The following HTR1A variants were observed in gnomAD, a reference collection of about 807,000 sequenced individuals.
The protein encoded by HTR1A is 5-hydroxytryptamine receptor 1A, also known as 5-HT1a receptor.
In HTR1A, 17 loss-of-function variants were observed where a neutral mutation model predicts 24.6. That is an observed-to-expected ratio of 0.69 (90% CI 0.47 to 1.04). HTR1A has a LOEUF of 1.04. Ranked by LOEUF, HTR1A falls within the 50% of genes least tolerant of loss-of-function variation. HTR1A has a pLI of 0.00. For missense variants in HTR1A, 515 were observed against 565.1 expected (o/e 0.91, Z 0.90); for synonymous variants, 262 against 244.6 (o/e 1.07, Z -0.67).
chr5:63,959,968 G>T lies in HTR1A; in HGVS notation c.*483C>A, dbSNP rs1746389484. Among the ~76,000 whole-genome samples the T allele has an allele frequency of 1.3e-5, 2 of 152,292 alleles. No homozygotes were observed. The highest frequency in any genetic ancestry group is 4.1e-4 in the South Asian group (2 of 4,824). On this transcript the variant is annotated 3_prime_UTR_variant, in exon 1 of 1. Coordinates refer to ENST00000323865, the MANE Select transcript of HTR1A (RefSeq NM_000524.4). ...GGGAGAAAAAGGTGAATATTTCAAG[G>T]GCCACAGGGCGGGAGAGATGGAGCA... is the stretch of plus-strand genomic sequence containing the variant.
rs1746354295 is a variant in HTR1A at position 63,958,304 on chromosome 5, T to C, written c.*2147A>G. On this transcript the variant is annotated 3_prime_UTR_variant, in exon 1 of 1. Coordinates refer to ENST00000323865, the MANE Select transcript of HTR1A (RefSeq NM_000524.4). ...CAGCATTATACATGCATAGACAAACTATTCCCAAAGTTCTAAAACTTTCCC... is the reference window on the plus strand; with the variant it reads ...CAGCATTATACATGCATAGACAAACCATTCCCAAAGTTCTAAAACTTTCCC... 6.6e-6 allele frequency among the ~76,000 whole-genome samples: 1 copy of C among 152,206 alleles called. No homozygotes were observed. Among genetic ancestry groups the C allele is most frequent in the Non-Finnish European group, 1.5e-5 (1 of 68,036 alleles).
rs1221807137 is a variant in HTR1A, at chr5:63,960,062, G to A, written c.*389C>T. On this transcript the variant is annotated 3_prime_UTR_variant, in exon 1 of 1. Transcript: ENST00000323865. ...GGTGGAGCCCCTTAGTGGGCGCGGCGGCTGTGTGTACAGTTTATTTATTTT... is the reference window on the plus strand; with the variant it reads ...GGTGGAGCCCCTTAGTGGGCGCGGCAGCTGTGTGTACAGTTTATTTATTTT... 1.3e-5 allele frequency among the ~76,000 whole-genome samples: 2 copies of A among 152,234 alleles called. No homozygotes were observed. The highest frequency in any genetic ancestry group is 1.9e-4 in the East Asian group (1 of 5,192).
At position 63,961,222 on chromosome 5, in the gene HTR1A, G is replaced by C; in HGVS notation, c.498C>G (p.Leu166=). 1.2e-6 allele frequency: 2 copies of C among 1,614,146 alleles called. No individual in the cohort carries two copies. Among genetic ancestry groups the C allele is most frequent in the Non-Finnish European group, 1.7e-6 (2 of 1,180,030 alleles). ...AGCCCAGCATGGGCGGGATAGAGAT[G>C]AGGAAGCCAATAAGCCAAGTGAGCG... The part of the protein sequence containing the change: ...LISLTWLIGF[L]ISIPPMLGWR... Residue 166 remains leucine (L), a synonymous_variant, in exon 1 of 1, where the codon CTC becomes CTG. Coordinates refer to ENST00000323865, the MANE Select transcript of HTR1A (RefSeq NM_000524.4).
At position 63,961,459 on chromosome 5, in the gene HTR1A, C is replaced by T. The variant is rs201217490; in HGVS notation, c.261G>A (p.Val87=). The change falls in exon 1 of 1, where the codon GTG becomes GTA. Residue 87 remains valine, a synonymous_variant. Transcript: ENST00000323865. ...SLAVTDLMVS[V]LVLPMAALYQ... is the part of the protein sequence containing the mutation. ...ACAGCGCGGCCATGGGCAGCACCAA[C>T]ACCGACACCATGAGGTCGGTGACCG... 1.2e-6 allele frequency: 2 copies of T among 1,614,016 alleles called. No homozygotes were observed. Among genetic ancestry groups the T allele is most frequent in the Non-Finnish European group, 1.7e-6 (2 of 1,179,928 alleles).
chr5:63,961,732 G>T lies in HTR1A; in HGVS notation c.-13C>A. The T allele has an allele frequency of 7.4e-6, 12 of 1,613,692 alleles. No individual in the cohort carries two copies. Among genetic ancestry groups the T allele is most frequent in the Non-Finnish European group, 1.0e-5 (12 of 1,179,982 alleles). ...TGAGCACATCCATGCCTGCGCGCCC[G>T]GCGCGGGAAGGGGGAGGGAAGAAAA... On this transcript the variant is annotated 5_prime_UTR_variant, in exon 1 of 1. Transcript: ENST00000323865.
Position 63,961,455 on chromosome 5 carries a change from C to G in HTR1A, c.265G>C (p.Val89Leu). The change falls in exon 1 of 1, where the codon GTG (valine) becomes CTG (leucine). Residue 89 changes from valine to leucine, a missense_variant. This residue lies in a region of HTR1A where 80 missense variants were observed against 130.8 expected (regional missense o/e 0.61). Transcript: ENST00000323865. ...TGATACAGCGCGGCCATGGGCAGCACCAACACCGACACCATGAGGTCGGTG... is the reference window on the plus strand; with the variant it reads ...TGATACAGCGCGGCCATGGGCAGCAGCAACACCGACACCATGAGGTCGGTG... ...AVTDLMVSVL[V>L]LPMAALYQVL... is the part of the protein sequence containing the mutation. The G allele has an allele frequency of 6.2e-7, 1 of 1,613,984 alleles. No individual in the cohort carries two copies. The highest frequency in any genetic ancestry group is 8.5e-7 in the Non-Finnish European group (1 of 1,179,910).
rs1746414429 is a variant in HTR1A, at chr5:63,960,794, C to T, written c.926G>A (p.Ser309Asn). ...GGCACAAGGGGTAGGACCAGCCTCG[C>T]TGGGCAGAGGCAAGTGCTCTTTGGA... ...GNSKEHLPLP[S>N]EAGPTPCAPA... The change falls in exon 1 of 1, where the codon AGC (serine) becomes AAC (asparagine). Residue 309 changes from serine to asparagine, a missense_variant. Transcript: ENST00000323865. The T allele has an allele frequency of 6.2e-7, 1 of 1,614,018 alleles. No homozygotes were observed. The highest frequency in any genetic ancestry group is 2.2e-5 in the East Asian group (1 of 44,882).
In HTR1A at chr5:63,960,179, G is replaced by T. The variant is rs188019379; in HGVS notation, c.*272C>A. The stretch of plus-strand genomic sequence containing the variant: ...AGAGGCAATTACTGGGATCAAAACT[G>T]ATGATACAGGCGAAGTCTGAGCCAA... On this transcript the variant is annotated 3_prime_UTR_variant, in exon 1 of 1. Transcript: ENST00000323865. 1.3e-5 allele frequency among the ~76,000 whole-genome samples: 2 copies of T among 152,298 alleles called. No homozygotes were observed. Among genetic ancestry groups the T allele is most frequent in the Admixed American group, 6.5e-5 (1 of 15,300 alleles).
chr5:63,960,654 G>T lies in HTR1A; in HGVS notation c.1066C>A (p.Leu356Ile), dbSNP rs750784546. The stretch of plus-strand genomic sequence containing the variant: ...ACGATGAAGAAGGGCAGCCAGCAGA[G>T]GATGAAGGTGCCCATGATGATGCCC... Reference protein sequence around the residue: ...TLGIIMGTFILCWLPFFIVAL... With the variant: ...TLGIIMGTFIICWLPFFIVAL... Residue 356 changes from leucine (L) to isoleucine (I), a missense_variant, in exon 1 of 1, where the codon CTC (leucine) becomes ATC (isoleucine). Coordinates refer to ENST00000323865, the MANE Select transcript of HTR1A (RefSeq NM_000524.4). 6.2e-7 allele frequency: 1 copy of T among 1,614,262 alleles called. No homozygotes were observed.
chr5:63,961,093 C>T lies in HTR1A; in HGVS notation c.627G>A (p.Leu209=), dbSNP rs917028491. The T allele has an allele frequency of 1.2e-6, 2 of 1,614,148 alleles. No individual in the cohort carries two copies. The highest frequency in any genetic ancestry group is 1.3e-5 in the African/African-American group (1 of 74,950). ...STFGAFYIPL[L]LMLVLYGRIF... is the part of the protein sequence containing the mutation. The stretch of plus-strand genomic sequence containing the variant: ...TGCGCCCATAGAGAACCAGCATGAG[C>T]AGCAGCGGGATGTAGAAAGCTCCAA... Residue 209 remains leucine (L), a synonymous_variant, in exon 1 of 1, where the codon CTG becomes CTA. Coordinates refer to ENST00000323865, the MANE Select transcript of HTR1A (RefSeq NM_000524.4).
In HTR1A at chr5:63,960,793, G is replaced by C. The variant is rs140681943; in HGVS notation, c.927C>G (p.Ser309Arg). The part of the protein sequence containing the change: ...GNSKEHLPLP[S>R]EAGPTPCAPA... Reference sequence around the variant, plus strand: ...GGGCACAAGGGGTAGGACCAGCCTCGCTGGGCAGAGGCAAGTGCTCTTTGG... The same window carrying C: ...GGGCACAAGGGGTAGGACCAGCCTCCCTGGGCAGAGGCAAGTGCTCTTTGG... The change falls in exon 1 of 1, where the codon AGC becomes AGG. Residue 309 changes from serine to arginine, a missense_variant. Ser to Arg is a moderately radical substitution (Grantham distance 110, BLOSUM62 -1). This residue lies in a region of HTR1A where 381 missense variants were observed against 384.5 expected (regional missense o/e 0.99). Transcript: ENST00000323865. 19 of 1,613,980 alleles carry C rather than the reference G, an allele frequency of 1.2e-5. No individual in the cohort carries two copies. The African/African-American group carries it at 2.4e-4, about 20-fold the overall frequency.
Position 63,958,070 on chromosome 5 carries a change from G to A in HTR1A, c.*2381C>T, listed in dbSNP as rs1290986896. 6.6e-6 allele frequency: 1 copy of A among 152,152 alleles called. No individual in the cohort carries two copies. Among genetic ancestry groups the A allele is most frequent in the Non-Finnish European group, 1.5e-5 (1 of 68,032 alleles). 9.4% of individuals were successfully genotyped at this position (152,152 alleles called of 1,614,324 possible). A position where few individuals can be genotyped will look rare whatever the true frequency, so the allele number is the denominator to read the frequency against. On this transcript the variant is annotated 3_prime_UTR_variant, in exon 1 of 1. Transcript: ENST00000323865. ...CAAAACTTCTAATGTAAAACTTGCTGGCCAAGACATAATTTGGATGAGCAA... is the reference window on the plus strand; with the variant it reads ...CAAAACTTCTAATGTAAAACTTGCTAGCCAAGACATAATTTGGATGAGCAA...
rs528203198 is a variant in HTR1A, at chr5:63,959,331, C to G, written c.*1120G>C. Among the ~76,000 whole-genome samples, 1 of 152,336 alleles carries G rather than the reference C, an allele frequency of 6.6e-6. No individual in the cohort carries two copies. The highest frequency in any genetic ancestry group is 6.5e-5 in the Admixed American group (1 of 15,308). On this transcript the variant is annotated 3_prime_UTR_variant, in exon 1 of 1. Transcript: ENST00000323865. ...CGGCATCTTGCGCCACTGGCTAAGG[C>G]AAAAACCTCAGGTGTCTACCCGCGC...
In HTR1A at chr5:63,960,285, C is replaced by G. The variant is rs1205760078; in HGVS notation, c.*166G>C. Reference sequence around the variant, plus strand: ...GTCTCCTTTGCACAAAGGGCCCTGCCGTGGAGCAGGAAGTGGGGAGGGGAC... The same window carrying G: ...GTCTCCTTTGCACAAAGGGCCCTGCGGTGGAGCAGGAAGTGGGGAGGGGAC... On this transcript the variant is annotated 3_prime_UTR_variant, in exon 1 of 1. Coordinates refer to ENST00000323865, the MANE Select transcript of HTR1A (RefSeq NM_000524.4). The G allele has an allele frequency of 1.0e-5, 8 of 768,916 alleles. No homozygotes were observed. The highest frequency in any genetic ancestry group is 1.6e-5 in the Non-Finnish European group (7 of 441,452). 47.6% of individuals were successfully genotyped at this position (768,916 alleles called of 1,614,324 possible). A position where few individuals can be genotyped will look rare whatever the true frequency, so the allele number is the denominator to read the frequency against.
chr5:63,960,953 C>G lies in HTR1A; in HGVS notation c.767G>C (p.Gly256Ala), dbSNP rs1317040159. ...CCTCCAGTTCCTGCTCCCCGACTCT[C>G]CATTCACACTCTTCTTGGGCTGCGG... The part of the protein sequence containing the change: ...PAPQPKKSVN[G>A]ESGSRNWRLG... Residue 256 changes from glycine to alanine, a missense_variant, in exon 1 of 1, where the codon GGA (glycine) becomes GCA (alanine). Transcript: ENST00000323865. The G allele has an allele frequency of 6.2e-7, 1 of 1,614,204 alleles. No individual in the cohort carries two copies. The highest frequency in any genetic ancestry group is 8.5e-7 in the Non-Finnish European group (1 of 1,180,036).
chr5:63,961,167 C>T lies in HTR1A; in HGVS notation c.553G>A (p.Asp185Asn), dbSNP rs1452211745. The T allele has an allele frequency of 1.2e-6, 2 of 1,614,052 alleles. No homozygotes were observed. Among genetic ancestry groups the T allele is most frequent in the Non-Finnish European group, 1.7e-6 (2 of 1,180,050 alleles). The change falls in exon 1 of 1, where the codon GAC becomes AAC. Residue 185 changes from aspartate (D) to asparagine (N), a missense_variant. Asp to Asn is a conservative substitution (Grantham distance 23). Around this residue, in one of 3 missense-constraint regions of HTR1A, gnomAD observed 381 missense variants for 384.5 expected, o/e 0.99. Coordinates refer to ENST00000323865, the MANE Select transcript of HTR1A (RefSeq NM_000524.4). ...TGATCCTTGCTAATGGTGCATGCGT[C>T]GGGGTCCGAGCGGTCTTCCGGGGTG... ...WRTPEDRSDPDACTISKDHGY... is the reference protein window; with the variant it reads ...WRTPEDRSDPNACTISKDHGY...
At position 63,960,293 on chromosome 5, in the gene HTR1A, A is replaced by G; in HGVS notation, c.*158T>C. 2 of 796,818 alleles carry G rather than the reference A, an allele frequency of 2.5e-6. No homozygotes were observed. Among genetic ancestry groups the G allele is most frequent in the East Asian group, 4.9e-5 (2 of 40,888 alleles). The allele number at this position is 796,818 out of a possible 1,614,324, so 49.4% of individuals were successfully genotyped here. A position where few individuals can be genotyped will look rare whatever the true frequency, so the allele number is the denominator to read the frequency against. On this transcript the variant is annotated 3_prime_UTR_variant, in exon 1 of 1. Coordinates refer to ENST00000323865, the MANE Select transcript of HTR1A (RefSeq NM_000524.4). ...TGCACAAAGGGCCCTGCCGTGGAGC[A>G]GGAAGTGGGGAGGGGACCAGGTCTG...
chr5:63,960,367 TAA>T lies in HTR1A; in HGVS notation c.*82_*83del. 7.3e-7 allele frequency: 1 copy of T among 1,370,888 alleles called. No homozygotes were observed. Among genetic ancestry groups the T allele is most frequent in the Non-Finnish European group, 1.0e-6 (1 of 960,016 alleles). The allele number at this position is 1,370,888 out of a possible 1,614,324, so 84.9% of individuals were successfully genotyped here. On this transcript the variant is annotated 3_prime_UTR_variant, in exon 1 of 1. Transcript: ENST00000323865. ...AAAGAGGAGAAGTGGCGAATTATCTTAAGTGTTGATTCCCTAGGGTTGGGGGA... is the reference window on the plus strand; with the variant it reads ...AAAGAGGAGAAGTGGCGAATTATCTTGTGTTGATTCCCTAGGGTTGGGGGA...
rs896300299 is a variant in HTR1A, at chr5:63,959,873, C to T, written c.*578G>A. Among the ~76,000 whole-genome samples the T allele has an allele frequency of 2.0e-5, 3 of 152,108 alleles. No individual in the cohort carries two copies. Among genetic ancestry groups the T allele is most frequent in the African/African-American group, 4.8e-5 (2 of 41,426 alleles). ...AGCAGCCTCTTCCGCCTCTCCGGACCAGCAGATTCGTGCATAAGGATGGGC... is the reference window on the plus strand; with the variant it reads ...AGCAGCCTCTTCCGCCTCTCCGGACTAGCAGATTCGTGCATAAGGATGGGC... On this transcript the variant is annotated 3_prime_UTR_variant, in exon 1 of 1. Coordinates refer to ENST00000323865, the MANE Select transcript of HTR1A (RefSeq NM_000524.4).
Sources: allele counts gnomAD v4.1 joint callset (sites outside exome capture counted in the v4.1 genomes callset), GRCh38; gene constraint gnomAD v4.1.1; regional missense constraint gnomAD v4.1.1; transcripts MANE v1.5; gene names NCBI Gene and HGNC (gene_info 2026-07-23, HGNC 2026-07-21).